The following HYCC2 variants were observed in gnomAD, a reference collection of about 807,000 sequenced individuals.
The protein encoded by HYCC2 is hyccin PI4KA lipid kinase complex subunit 2.
chr2:200,987,671 C>A, the HYCC2 span: 7,330 of 538,502 alleles, frequency 0.014, 83 homozygotes, highest in South Asian at 0.016. Flanking sequence ...CATGTGTGTG[C>A]ATGCTGTGCA....
chr2:200,991,533 C>T, the HYCC2 span, among the ~76,000 whole-genome samples: 2 of 150,168 alleles, frequency 1.3e-5, no homozygotes, highest in African/African-American at 2.5e-5. Flanking sequence ...AGCGCCACTG[C>T]ACTCCAGCAT....
At chr2:201,047,186 T>C in the HYCC2 span, among the ~76,000 whole-genome samples, 1 of 152,110 alleles carries the variant, frequency 6.6e-6, no homozygotes, top group Non-Finnish European at 1.5e-5. Context: ...GCCCTCTCAG[T>C]GCAGCCGGCA....
At chr2:201,032,750 T>G in the HYCC2 span, among the ~76,000 whole-genome samples, 1 of 152,254 alleles carries the variant, frequency 6.6e-6, no homozygotes, top group South Asian at 2.1e-4. Flanking sequence ...TCAAACTCCT[T>G]GGCTCAGTTG....
the HYCC2 span, among the ~76,000 whole-genome samples, chr2:201,054,550 T>A: frequency 2.6e-5 from 4 of 152,138 alleles, no homozygotes; most frequent in South Asian, 8.3e-4. Flanking sequence ...CAGACATTTC[T>A]CCAAGGAACC....
the HYCC2 span, chr2:200,981,426 TA>T: frequency 1.2e-6 from 2 of 1,614,192 alleles, no homozygotes; most frequent in Non-Finnish European, 1.7e-6. The surrounding 1 kb of genome is among the most constrained non-coding windows in gnomAD (Gnocchi z 4.5). Flanking sequence ...TGTTGGCTGC[TA>T]AATTAGTACC....
the HYCC2 span, among the ~76,000 whole-genome samples, chr2:201,041,969 CCTCCTCTCCCCTTTGCACAGT>C: frequency 1.3e-5 from 2 of 152,012 alleles, no homozygotes; most frequent in African/African-American, 4.8e-5. Flanking sequence ...TTTGCACGGT[CCTCCTCTCCCCTTTGCACAGT>C]CTCCCTCTGA....
the HYCC2 span, among the ~76,000 whole-genome samples, chr2:201,019,964 C>T: frequency 6.6e-6 from 1 of 151,732 alleles, no homozygotes; most frequent in East Asian, 1.9e-4. Context: ...GTAGCATGTG[C>T]CTGTAGCTAA....
chr2:201,048,534 T>G, the HYCC2 span, among the ~76,000 whole-genome samples: 5 of 148,790 alleles, frequency 3.4e-5, no homozygotes, highest in African/African-American at 1.0e-4. Context: ...GCTCATCAGC[T>G]ATCATTCGTG....
At chr2:201,004,794 G>A in the HYCC2 span, among the ~76,000 whole-genome samples, 1 of 152,118 alleles carries the variant, frequency 6.6e-6, no homozygotes, top group African/African-American at 2.4e-5. Context: ...GAGGCAGGTG[G>A]ATCACGAGGT....
chr2:201,043,533 G>C, the HYCC2 span, among the ~76,000 whole-genome samples: 29 of 141,188 alleles, frequency 2.1e-4, no homozygotes, highest in African/African-American at 7.1e-4. Context: ...TTTTGAGACA[G>C]AGTCTCACTC....
the HYCC2 span, chr2:201,022,231 T>C: frequency 2.1e-6 from 1 of 486,468 alleles, no homozygotes; most frequent in South Asian, 1.7e-5. Context: ...AAAGATAATG[T>C]GTGTATTTTG....
At chr2:201,043,594 C>T in the HYCC2 span, among the ~76,000 whole-genome samples, 6 of 150,960 alleles carry the variant, frequency 4.0e-5, no homozygotes, top group African/African-American at 9.7e-5. Flanking sequence ...CTGCAAGCTC[C>T]GTCTCCCAGG....
the HYCC2 span, among the ~76,000 whole-genome samples, chr2:201,005,718 G>T: frequency 2.6e-5 from 4 of 152,184 alleles, no homozygotes; most frequent in African/African-American, 9.6e-5. Context: ...CAGAAATAGA[G>T]ACCAACACGA....
At chr2:201,070,827 T>C in the HYCC2 span, among the ~76,000 whole-genome samples, 1 of 152,172 alleles carries the variant, frequency 6.6e-6, no homozygotes, top group Non-Finnish European at 1.5e-5. Context: ...CCCACTTTTC[T>C]GAAGATCTTT....
chr2:200,985,114 C>T, the HYCC2 span, among the ~76,000 whole-genome samples: 57 of 151,562 alleles, frequency 3.8e-4, no homozygotes, highest in African/African-American at 1.2e-3. Context: ...ATCTGGGGGT[C>T]GAGAAAAAAC....
chr2:201,038,127 A>C, the HYCC2 span, among the ~76,000 whole-genome samples: 19 of 152,198 alleles, frequency 1.2e-4, no homozygotes, highest in Non-Finnish European at 1.0e-4. Context: ...ATGCAGCCAA[A>C]AGACACATGA....
chr2:201,047,265 C>T, the HYCC2 span, among the ~76,000 whole-genome samples: 1 of 151,212 alleles, frequency 6.6e-6, no homozygotes, highest in Non-Finnish European at 1.5e-5. Context: ...CAGCAGAATA[C>T]AGGATGAGTA....
chr2:201,036,472 T>A, the HYCC2 span, among the ~76,000 whole-genome samples: 2 of 152,148 alleles, frequency 1.3e-5, no homozygotes, highest in African/African-American at 4.8e-5. Flanking sequence ...ATCCCTGATG[T>A]GAACATCAAT....
the HYCC2 span, among the ~76,000 whole-genome samples, chr2:200,993,719 C>T: frequency 5.1e-4 from 78 of 151,788 alleles, no homozygotes; most frequent in African/African-American, 1.9e-3. Flanking sequence ...TGGTGGCTCA[C>T]GCCTGTAATC....
Sources: gnomAD v4.1 joint callset for allele counts (sites outside exome capture counted in the v4.1 genomes callset) on GRCh38, gnomAD v4.1.1 for gene constraint, Gnocchi (gnomAD v3.1) non-coding constraint, MANE v1.5 for transcripts, NCBI Gene and HGNC (gene_info 2026-07-23, HGNC 2026-07-21) for gene names.